The following RFX3 variants were observed in gnomAD, a reference collection of about 807,000 sequenced individuals.
RFX3 encodes regulatory factor X3, also known as transcription factor RFX3.
In RFX3, 14 loss-of-function variants were observed where a neutral mutation model predicts 98.6. The ratio of observed to expected loss-of-function variants is 0.14; its 90% CI spans 0.09 to 0.22. The LOEUF is 0.22. Among genes scored for constraint, RFX3 ranks in the 10% least tolerant of loss-of-function variants. The probability of loss-of-function intolerance (pLI) is 1.00; values close to 1 mark genes in which losing one functional copy is unlikely to be tolerated. For synonymous variants in RFX3, 383 were observed against 328.4 expected (o/e 1.17, Z -1.80); for missense variants, 639 against 926.9 (o/e 0.69, Z 4.03).
At chr9:3,508,082 T>C (rs1564190265) in intron 1 of RFX3, among the ~76,000 whole-genome samples, 1 of 152,004 alleles carries the variant, frequency 6.6e-6, no homozygotes, top group African/African-American at 2.4e-5. Context: ...GAGGGAAACG[T>C]AAAACTCTGA....
rs572410696 is a variant in RFX3 at position 3,369,613 on chromosome 9, T to C, written c.118-22849A>G. 2.0e-4 allele frequency among the ~76,000 whole-genome samples: 30 copies of C among 152,324 alleles called. No homozygotes were observed. In the South Asian group the frequency reaches 5.8e-3, roughly 29 times the overall value. On this transcript the variant is annotated intron_variant, in intron 2 of 16. Coordinates refer to ENST00000617270, the MANE Select transcript of RFX3 (RefSeq NM_001282116.2). ...AATGGTAGAAATTAAAATTCTACCA[T>C]AAAAGGACTGCTTCTGAAGATGTAA...
chr9:3,293,441 T>C (rs1027955575), intron 5 of RFX3, among the ~76,000 whole-genome samples, 183 bp from the exon 6 acceptor site: 1 of 152,140 alleles, frequency 6.6e-6, no homozygotes, highest in African/African-American at 2.4e-5. Context: ...ACACTGTAAA[T>C]AGCTGAACAT....
At chr9:3,505,533 G>C (rs957105494) in intron 1 of RFX3, among the ~76,000 whole-genome samples, 1 of 80,048 alleles carries the variant, frequency 1.2e-5, no homozygotes, top group South Asian at 3.9e-4. Flanking sequence ...TGATAAAAGG[G>C]GGTAAAGAGA....
At chr9:3,474,693 T>C (rs1359858488) in intron 1 of RFX3, among the ~76,000 whole-genome samples, 1 of 152,206 alleles carries the variant, frequency 6.6e-6, no homozygotes, top group Non-Finnish European at 1.5e-5. Context: ...AGTGCTTATT[T>C]GCCCAAACCA....
chr9:3,504,467 T>C (rs900322924), intron 1 of RFX3, among the ~76,000 whole-genome samples: 70 of 130,324 alleles, frequency 5.4e-4, no homozygotes, highest in African/African-American at 1.2e-3. Context: ...TGCCATATGG[T>C]ATATATTGTA....
chr9:3,409,048 G>C (rs943566951), intron 1 of RFX3, among the ~76,000 whole-genome samples: 1 of 152,200 alleles, frequency 6.6e-6, no homozygotes, highest in African/African-American at 2.4e-5. Flanking sequence ...TATTTAAGTT[G>C]ATGGTTCAAG....
intron 1 of RFX3, among the ~76,000 whole-genome samples, chr9:3,501,325 T>C (rs922724940): frequency 2.0e-5 from 3 of 152,090 alleles, no homozygotes; most frequent in Non-Finnish European, 2.9e-5. Flanking sequence ...TTCTTTGATA[T>C]ATAAATAGAG....
intron 11 of RFX3, among the ~76,000 whole-genome samples, chr9:3,270,133 A>AAGAAAGAAAGAAAGAAAGGAAAG: frequency 6.6e-6 from 1 of 151,908 alleles, no homozygotes; most frequent in African/African-American, 2.4e-5. Context: ...AAAGGAAAGA[A>AAGAAAGAAAGAAAGAAAGGAAAG]AGAAAGAAAA....
chr9:3,486,689 T>C (rs1052482928), intron 1 of RFX3, among the ~76,000 whole-genome samples: 1 of 152,210 alleles, frequency 6.6e-6, no homozygotes, highest in Non-Finnish European at 1.5e-5. Flanking sequence ...GGATTCATGC[T>C]CATATCTAAA....
chr9:3,482,480 T>C (rs1256286325), intron 1 of RFX3, among the ~76,000 whole-genome samples: 1 of 152,238 alleles, frequency 6.6e-6, no homozygotes, highest in Non-Finnish European at 1.5e-5. Context: ...ATTAAGCATA[T>C]ATAAACTTTT....
chr9:3,290,055 C>A (rs1219373242), intron 6 of RFX3, among the ~76,000 whole-genome samples: 1 of 151,816 alleles, frequency 6.6e-6, no homozygotes, highest in African/African-American at 2.4e-5. Context: ...ATGTCTAGTA[C>A]CTCACTCCTA....
intron 15 of RFX3, among the ~76,000 whole-genome samples, chr9:3,242,968 T>A (rs1432923787): frequency 6.6e-6 from 1 of 151,914 alleles, no homozygotes; most frequent in Non-Finnish European, 1.5e-5. Flanking sequence ...ATTAAAAGGT[T>A]TGTAACAAAA....
At chr9:3,268,404 T>C (rs187909156) in intron 11 of RFX3, among the ~76,000 whole-genome samples, 1 of 151,786 alleles carries the variant, frequency 6.6e-6, no homozygotes, top group African/African-American at 2.4e-5. Flanking sequence ...GAATGGATGG[T>C]TTGGAATTTA....
At chr9:3,498,867 A>C (rs957041894) in intron 1 of RFX3, among the ~76,000 whole-genome samples, 2 of 152,068 alleles carry the variant, frequency 1.3e-5, no homozygotes, top group African/African-American at 4.8e-5. Context: ...GTTGCTGTGC[A>C]ACCTAAAAGG....
chr9:3,291,753 AT>A (rs1827385258), intron 6 of RFX3, among the ~76,000 whole-genome samples: 1 of 152,050 alleles, frequency 6.6e-6, no homozygotes, highest in Non-Finnish European at 1.5e-5. Context: ...TTTGGTATAC[AT>A]TTTTAATGAA....
rs1441102607 is a variant in RFX3, at chr9:3,467,090, A to G, written c.-9+58657T>C. Among the ~76,000 whole-genome samples the G allele has an allele frequency of 5.6e-5, 8 of 141,872 alleles. No homozygotes were observed. In the East Asian group the frequency reaches 1.4e-3, roughly 25 times the overall value. 93.1% of individuals were successfully genotyped at this position (141,872 alleles called of 152,430 possible). A position where few individuals can be genotyped will look rare whatever the true frequency, so the allele number is the denominator to read the frequency against. Reference sequence around the variant, plus strand: ...TATAAGTATATATGTATATACATACATATATGTAAGTATATATGTATATAC... The same window carrying G: ...TATAAGTATATATGTATATACATACGTATATGTAAGTATATATGTATATAC... On this transcript the variant is annotated intron_variant, in intron 1 of 16. Transcript: ENST00000617270.
At chr9:3,363,207 A>G (rs1422341154) in intron 2 of RFX3, among the ~76,000 whole-genome samples, 1 of 152,248 alleles carries the variant, frequency 6.6e-6, no homozygotes, top group African/African-American at 2.4e-5. Context: ...TTACTGCAGT[A>G]TTAGGAGAGT....
intron 3 of RFX3, among the ~76,000 whole-genome samples, chr9:3,338,819 G>A (rs1332600630): frequency 6.6e-6 from 1 of 152,198 alleles, no homozygotes; most frequent in Admixed American, 6.5e-5. Flanking sequence ...GCCAGGCACG[G>A]TGGCTCACGC....
intron 1 of RFX3, among the ~76,000 whole-genome samples, chr9:3,505,758 T>G (rs1466111907): frequency 1.4e-5 from 2 of 146,644 alleles, no homozygotes; most frequent in East Asian, 2.2e-4. Context: ...TCCACCCCCA[T>G]CATTTACATA....
Sources: gnomAD v4.1 joint callset for allele counts (sites outside exome capture counted in the v4.1 genomes callset) on GRCh38, gnomAD v4.1.1 for gene constraint, MANE v1.5 for transcripts, NCBI Gene and HGNC (gene_info 2026-07-23, HGNC 2026-07-21) for gene names.